CSNK2A2IP: variants seen among roughly 807,000 people sequenced by gnomAD.
CSNK2A2IP encodes the protein casein kinase II subunit alpha'-interacting protein.
chr3:88,422,042 C>T, the CSNK2A2IP span, among the ~76,000 whole-genome samples: 165 of 152,306 alleles, frequency 1.1e-3, 1 homozygote, highest in African/African-American at 3.7e-3. Context: ...TTTGCTACAT[C>T]TGAGAGTCCA....
At chr3:88,405,597 T>C in the CSNK2A2IP span, among the ~76,000 whole-genome samples, 1 of 152,168 alleles carries the variant, frequency 6.6e-6, no homozygotes, top group Non-Finnish European at 1.5e-5. Flanking sequence ...AGCTTAGTGA[T>C]TTCTAGCCCT....
the CSNK2A2IP span, among the ~76,000 whole-genome samples, chr3:88,401,960 A>G: frequency 1.3e-5 from 2 of 151,894 alleles, no homozygotes; most frequent in Admixed American, 6.6e-5. Context: ...ACTTTTGGCC[A>G]TGAGAAAAAT....
the CSNK2A2IP span, among the ~76,000 whole-genome samples, chr3:88,435,013 C>T: frequency 1.3e-5 from 2 of 152,210 alleles, no homozygotes; most frequent in South Asian, 2.1e-4. Flanking sequence ...CTCCTTAGTC[C>T]CATGTCAGAT....
At chr3:88,339,746 C>T in the CSNK2A2IP span, among the ~76,000 whole-genome samples, 1 of 152,154 alleles carries the variant, frequency 6.6e-6, no homozygotes, top group East Asian at 1.9e-4. Context: ...TTAATAAGTA[C>T]TCTTTGTAAA....
the CSNK2A2IP span, among the ~76,000 whole-genome samples, chr3:88,405,723 T>C: frequency 1.3e-5 from 2 of 152,192 alleles, no homozygotes; most frequent in Non-Finnish European, 2.9e-5. Context: ...TATTTCCTGT[T>C]GGAACCCTGA....
chr3:88,379,418 T>G, the CSNK2A2IP span, among the ~76,000 whole-genome samples: 1 of 152,254 alleles, frequency 6.6e-6, no homozygotes, highest in African/African-American at 2.4e-5. Flanking sequence ...TCTACAGGCA[T>G]TCTCTGTTTT....
chr3:88,411,635 T>C, the CSNK2A2IP span, among the ~76,000 whole-genome samples: 1 of 151,874 alleles, frequency 6.6e-6, no homozygotes, highest in Non-Finnish European at 1.5e-5. Context: ...ATAATTCAGT[T>C]TGTGAAAAAT....
At chr3:88,402,826 T>C in the CSNK2A2IP span, among the ~76,000 whole-genome samples, 1 of 152,090 alleles carries the variant, frequency 6.6e-6, no homozygotes, top group African/African-American at 2.4e-5. Context: ...TAGAATCAAT[T>C]AGGTTGCTCA....
chr3:88,369,413 G>C, the CSNK2A2IP span, among the ~76,000 whole-genome samples: 1 of 151,828 alleles, frequency 6.6e-6, no homozygotes, highest in Admixed American at 6.6e-5. Context: ...TAATTTGAAG[G>C]CACTGGAAAA....
At chr3:88,384,378 A>C in the CSNK2A2IP span, among the ~76,000 whole-genome samples, 11 of 132,416 alleles carry the variant, frequency 8.3e-5, no homozygotes, top group East Asian at 9.0e-4. Flanking sequence ...TAAAAAAAAA[A>C]CAAAAAAACA....
At chr3:88,387,023 C>G in the CSNK2A2IP span, among the ~76,000 whole-genome samples, 1 of 152,122 alleles carries the variant, frequency 6.6e-6, no homozygotes, top group Non-Finnish European at 1.5e-5. Context: ...CATGGAGATA[C>G]AAGTCAACAG....
the CSNK2A2IP span, chr3:88,465,934 C>T: frequency 1.6e-6 from 2 of 1,231,610 alleles, no homozygotes; most frequent in Non-Finnish European, 2.0e-6. Flanking sequence ...TCAAGAAATA[C>T]CTTCCATAAA....
the CSNK2A2IP span, among the ~76,000 whole-genome samples, chr3:88,428,276 A>G: frequency 6.6e-5 from 10 of 152,254 alleles, no homozygotes; most frequent in Non-Finnish European, 1.3e-4. Flanking sequence ...CTAGGAAGCA[A>G]TTAACTTGCT....
the CSNK2A2IP span, among the ~76,000 whole-genome samples, chr3:88,457,384 T>C: frequency 6.6e-6 from 1 of 151,860 alleles, no homozygotes; most frequent in African/African-American, 2.4e-5. Flanking sequence ...TTATAAGAAA[T>C]ATTGATGCAT....
the CSNK2A2IP span, among the ~76,000 whole-genome samples, chr3:88,457,254 T>C: frequency 1.3e-5 from 2 of 152,248 alleles, no homozygotes; most frequent in Admixed American, 6.5e-5. Flanking sequence ...AATTTGGTCT[T>C]GTCTGGTGTT....
chr3:88,352,670 C>T, the CSNK2A2IP span, among the ~76,000 whole-genome samples: 2 of 152,056 alleles, frequency 1.3e-5, no homozygotes, highest in African/African-American at 4.8e-5. Context: ...CCTCAACCTC[C>T]CAGGCTCTAA....
chr3:88,383,651 CT>C, the CSNK2A2IP span, among the ~76,000 whole-genome samples: 2,636 of 87,850 alleles, frequency 0.03, 14 homozygotes, highest in East Asian at 0.1. Context: ...TCTTTTCTTT[CT>C]TTTTTTTTTT....
the CSNK2A2IP span, among the ~76,000 whole-genome samples, chr3:88,454,525 G>T: frequency 2.6e-5 from 4 of 151,786 alleles, no homozygotes; most frequent in South Asian, 4.2e-4. Context: ...AAAAATTTTT[G>T]TTCCAGAACT....
chr3:88,365,874 C>G, the CSNK2A2IP span, among the ~76,000 whole-genome samples: 1 of 152,010 alleles, frequency 6.6e-6, no homozygotes, highest in South Asian at 2.1e-4. Context: ...AAGATCAGCC[C>G]TGTAATACCA....
Sources: allele counts gnomAD v4.1 joint callset (sites outside exome capture counted in the v4.1 genomes callset), GRCh38; gene constraint gnomAD v4.1.1; transcripts MANE v1.5; gene names NCBI Gene and HGNC (gene_info 2026-07-23, HGNC 2026-07-21).